Variants in ACSM3 observed in about 807,000 individuals in gnomAD.
The protein encoded by ACSM3 is acyl-CoA synthetase medium chain family member 3, also known as acyl-coenzyme A synthetase ACSM3, mitochondrial.
In ACSM3, 61 loss-of-function variants were observed where a neutral mutation model predicts 74.1. The ratio of observed to expected loss-of-function variants is 0.82; its 90% CI spans 0.67 to 1.02. ACSM3 has a LOEUF of 1.02. ACSM3 is among the 50% of genes least tolerant of loss of function. The pLI is 0.00. For synonymous variants in ACSM3, 213 were observed against 241.5 expected, an observed-to-expected ratio of 0.88 and a Z score of 1.09; for missense variants, 660 against 697.0, an observed-to-expected ratio of 0.95 and a Z score of 0.60.
At chr16:20,785,212 A>C in intron 8 of ACSM3, 105 bp downstream of exon 8, 1 of 1,462,782 alleles carries the variant, frequency 6.8e-7, no homozygotes, top group Non-Finnish European at 9.3e-7. Context: ...ATAGGAGTTG[A>C]GTGGTTAGAA....
intron 1 of ACSM3, among the ~76,000 whole-genome samples, chr16:20,717,833 GGAA>G (rs139495061): frequency 0.027 from 4,024 of 149,408 alleles, 223 homozygotes; most frequent in African/African-American, 0.096. Flanking sequence ...GAAGGAAGAA[GGAA>G]GAAGAAGGAG....
At chr16:20,707,615 G>A (rs2079731659) in intron 1 of ACSM3, among the ~76,000 whole-genome samples, 1 of 152,172 alleles carries the variant, frequency 6.6e-6, no homozygotes, top group East Asian at 1.9e-4. Flanking sequence ...CTCACCAACT[G>A]TGGACTCCAT....
rs983372002 is a variant in ACSM3, at chr16:20,772,052, A to G, written c.219+1799A>G. Among the ~76,000 whole-genome samples, 7 of 152,218 alleles carry G rather than the reference A, an allele frequency of 4.6e-5. No homozygotes were observed. In the South Asian group the frequency reaches 1.2e-3, roughly 27 times the overall value. ...TATGTCTTTTGAGAAATGTCTATTC[A>G]GATTCTATGTCCATTTTTTAATTGA... On this transcript the variant is annotated intron_variant, in intron 2 of 13. Coordinates refer to ENST00000289416, the MANE Select transcript of ACSM3 (RefSeq NM_005622.4).
At chr16:20,724,828 T>C (rs1010934356) in intron 1 of ACSM3, among the ~76,000 whole-genome samples, 16 of 152,172 alleles carry the variant, frequency 1.1e-4, no homozygotes, top group Non-Finnish European at 1.8e-4. Context: ...TTACAAGGGA[T>C]GTGAAGGACC....
upstream of ACSM3, among the ~76,000 whole-genome samples, chr16:20,760,718 T>G (rs2080070015): frequency 2.0e-5 from 3 of 152,200 alleles, no homozygotes; most frequent in African/African-American, 4.8e-5. Context: ...TAACTCAAGT[T>G]AAAGTTGCAG....
intron 1 of ACSM3, chr16:20,734,438 C>T (rs781322531): frequency 8.5e-5 from 13 of 152,520 alleles, no homozygotes; most frequent in Non-Finnish European, 1.8e-4. Context: ...GAAGGTCCTG[C>T]CTATTCTCTT....
intron 1 of ACSM3, chr16:20,737,285 T>C (rs1374242605): frequency 1.2e-6 from 2 of 1,602,796 alleles, no homozygotes; most frequent in Non-Finnish European, 1.7e-6. Flanking sequence ...TGCACACTAT[T>C]CCTGTAACAA....
intron 1 of ACSM3, among the ~76,000 whole-genome samples, chr16:20,745,486 A>G (rs537308943): frequency 6.6e-6 from 1 of 152,260 alleles, no homozygotes; most frequent in East Asian, 1.9e-4. Flanking sequence ...GGGAGGCTAG[A>G]CACGAGAGTT....
intron 1 of ACSM3, among the ~76,000 whole-genome samples, chr16:20,693,019 A>T (rs1457589001): frequency 6.6e-6 from 1 of 152,014 alleles, no homozygotes; most frequent in East Asian, 1.9e-4. Flanking sequence ...AAATTTGAAA[A>T]ATTAGCCAGG....
At chr16:20,696,927 T>C (rs2079692775) in intron 1 of ACSM3, among the ~76,000 whole-genome samples, 1 of 152,218 alleles carries the variant, frequency 6.6e-6, no homozygotes, top group African/African-American at 2.4e-5. Flanking sequence ...TCTCTGAACT[T>C]AAGCGCACAG....
At chr16:20,678,320 C>T (rs1314091886) in intron 1 of ACSM3, among the ~76,000 whole-genome samples, 1 of 152,068 alleles carries the variant, frequency 6.6e-6, no homozygotes, top group East Asian at 1.9e-4. Flanking sequence ...GCACTAAAGA[C>T]ATTATTAAGG....
At chr16:20,742,041 T>C in intron 1 of ACSM3, 3 of 1,411,784 alleles carry the variant, frequency 2.1e-6, no homozygotes, top group Non-Finnish European at 2.8e-6. Flanking sequence ...TGAAGCTGGC[T>C]CCAGCCATAT....
In ACSM3 at chr16:20,777,575, G is replaced by A; in HGVS notation, c.633G>A (p.Leu211=). 1 of 1,612,836 alleles carries A rather than the reference G, an allele frequency of 6.2e-7. No homozygotes were observed. Among genetic ancestry groups the A allele is most frequent in the South Asian group, 1.1e-5 (1 of 91,020 alleles). The change falls in exon 4 of 14, where the codon TTG becomes TTA. Residue 211 remains leucine (L), a synonymous_variant. Transcript: ENST00000289416. ...AGGGGTGGGGGAACCTCAAGGAGTTGATGAAGTGAGTAGCCACACTTGTTG... is the reference window on the plus strand; with the variant it reads ...AGGGGTGGGGGAACCTCAAGGAGTTAATGAAGTGAGTAGCCACACTTGTTG... ...SREGWGNLKE[L]MKHASDSHTC... is the part of the protein sequence containing the mutation.
chr16:20,686,931 AG>A (rs2079563642), intron 1 of ACSM3, among the ~76,000 whole-genome samples: 2 of 152,080 alleles, frequency 1.3e-5, no homozygotes, highest in Admixed American at 6.5e-5. Flanking sequence ...AAATTTAAAA[AG>A]GAAAAAAATG....
intron 1 of ACSM3, among the ~76,000 whole-genome samples, chr16:20,718,029 A>AAG (rs2079771860): frequency 8.1e-6 from 1 of 124,190 alleles, no homozygotes; most frequent in Non-Finnish European, 1.8e-5. Flanking sequence ...AGAAGAAGAA[A>AAG]AGAAAGAAGA....
chr16:20,702,493 T>C (rs981901312), intron 1 of ACSM3, among the ~76,000 whole-genome samples: 3 of 152,256 alleles, frequency 2.0e-5, no homozygotes, highest in Non-Finnish European at 4.4e-5. Context: ...GACTTTTTAA[T>C]AATCACCATT....
intron 1 of ACSM3, among the ~76,000 whole-genome samples, chr16:20,700,440 C>T (rs1033764239): frequency 1.3e-5 from 2 of 151,784 alleles, no homozygotes; most frequent in Non-Finnish European, 2.9e-5. Flanking sequence ...AGGATGTTCT[C>T]CCTTAAGAGG....
Position 20,792,352 on chromosome 16 carries a change from AT to A in ACSM3, c.1554+18del. 6.2e-7 allele frequency: 1 copy of A among 1,613,156 alleles called. No homozygotes were observed. Among genetic ancestry groups the A allele is most frequent in the Non-Finnish European group, 8.5e-7 (1 of 1,179,192 alleles). ...AGAGGAGAGGTAAAAGAACTGATTC[AT>A]GTCAACTTTATAATTTGTTGGCAAT... On this transcript the variant is annotated intron_variant, in intron 12 of 13. Transcript: ENST00000289416.
intron 1 of ACSM3, among the ~76,000 whole-genome samples, chr16:20,717,348 G>C (rs1457967636): frequency 6.6e-6 from 1 of 152,150 alleles, no homozygotes; most frequent in African/African-American, 2.4e-5. Context: ...GCTCCCCCAG[G>C]AGCTATACAG....
Sources: gnomAD v4.1 joint callset for allele counts (sites outside exome capture counted in the v4.1 genomes callset) on GRCh38, gnomAD v4.1.1 for gene constraint, MANE v1.5 for transcripts, NCBI Gene and HGNC (gene_info 2026-07-23, HGNC 2026-07-21) for gene names.